The following TRERF1 variants were observed in gnomAD, a reference collection of about 807,000 sequenced individuals.
The protein encoded by TRERF1 is transcriptional-regulating factor 1.
TRERF1 carries 27 observed loss-of-function variants against 122.9 expected under a neutral mutation model. That is an observed-to-expected ratio of 0.22 (90% CI 0.16 to 0.30). The LOEUF (loss-of-function observed/expected upper bound fraction) is 0.30, where lower values mean the gene tolerates loss of function less well. Among genes scored for constraint, TRERF1 ranks in the 10% least tolerant of loss-of-function variants. The probability of loss-of-function intolerance (pLI) is 1.00; values close to 1 mark genes in which losing one functional copy is unlikely to be tolerated. For synonymous variants in TRERF1, 636 were observed against 641.7 expected, an observed-to-expected ratio of 0.99 and a Z score of 0.13; for missense variants, 1,248 against 1,560.3, an observed-to-expected ratio of 0.80 and a Z score of 3.37.
In TRERF1 at chr6:42,269,223, G is replaced by A; in HGVS notation, c.368C>T (p.Thr123Ile). The A allele has an allele frequency of 3.1e-6, 5 of 1,614,222 alleles. No individual in the cohort carries two copies. Among genetic ancestry groups the A allele is most frequent in the Non-Finnish European group, 4.2e-6 (5 of 1,180,030 alleles). Reference sequence around the variant, plus strand: ...CCGGATCTCGCTGGCCTGGGAGTAGGTGTATTGGTAGCCATCAGTGGGCTC... The same window carrying A: ...CCGGATCTCGCTGGCCTGGGAGTAGATGTATTGGTAGCCATCAGTGGGCTC... Residue 123 changes from threonine to isoleucine, a missense_variant, in exon 5 of 18, where the codon ACC becomes ATC. Coordinates refer to ENST00000372922, the Ensembl canonical transcript of TRERF1. The surrounding 1 kb of genome is among the most constrained non-coding windows in gnomAD (Gnocchi z 4.9).
In TRERF1 at chr6:42,395,408, T is replaced by C. The variant is rs75021191; in HGVS notation, c.-453-32329A>G. Among the ~76,000 whole-genome samples, 341 of 152,236 alleles carry C rather than the reference T, an allele frequency of 2.2e-3. 2 individuals carry two copies. Among genetic ancestry groups the C allele is most frequent in the African/African-American group, 7.8e-3 (325 of 41,546 alleles). ...CTTGCAGTATTCAGTTCTCAGGAAATGTCTGACAACAGGAGGGGGACAGAG... is the reference window on the plus strand; with the variant it reads ...CTTGCAGTATTCAGTTCTCAGGAAACGTCTGACAACAGGAGGGGGACAGAG... On this transcript the variant is annotated intron_variant, in intron 2 of 17. Coordinates refer to ENST00000372922, the Ensembl canonical transcript of TRERF1.
intron 2 of TRERF1, among the ~76,000 whole-genome samples, chr6:42,400,795 A>G (rs1386551569): frequency 6.6e-6 from 1 of 152,140 alleles, no homozygotes; most frequent in African/African-American, 2.4e-5. Flanking sequence ...CAAAGTCCCA[A>G]TGTCAAATAG....
At chr6:42,293,672 G>A (rs1184805161) in intron 4 of TRERF1, among the ~76,000 whole-genome samples, 2 of 151,074 alleles carry the variant, frequency 1.3e-5, no homozygotes, top group African/African-American at 4.9e-5. Context: ...CCCTCTTCAC[G>A]GGACAGTCAC....
intron 3 of TRERF1, among the ~76,000 whole-genome samples, chr6:42,333,229 A>C (rs1042861099): frequency 6.6e-6 from 1 of 152,190 alleles, no homozygotes; most frequent in Admixed American, 6.5e-5. Context: ...AATGTATCTC[A>C]ATTTTCAGAA....
At chr6:42,287,917 T>A (rs1441701354) in intron 4 of TRERF1, among the ~76,000 whole-genome samples, 1 of 152,056 alleles carries the variant, frequency 6.6e-6, no homozygotes, top group African/African-American at 2.4e-5. Flanking sequence ...CTGGTCTCAT[T>A]CACCCTTCCA....
At chr6:42,374,532 C>G (rs1044455162) in intron 2 of TRERF1, among the ~76,000 whole-genome samples, 1 of 152,194 alleles carries the variant, frequency 6.6e-6, no homozygotes, top group Non-Finnish European at 1.5e-5. Context: ...GCCCACACAT[C>G]TGTAAATAGT....
chr6:42,280,070 C>G (rs757970642), intron 4 of TRERF1, among the ~76,000 whole-genome samples: 7 of 152,072 alleles, frequency 4.6e-5, no homozygotes, highest in Non-Finnish European at 7.4e-5. Flanking sequence ...CAGGGTATCC[C>G]AGGTTATGAC....
intron 2 of TRERF1, among the ~76,000 whole-genome samples, chr6:42,370,484 T>A (rs1773571929): frequency 6.6e-6 from 1 of 152,196 alleles, no homozygotes; most frequent in African/African-American, 2.4e-5. Context: ...CTTGGGAGGC[T>A]AAGGCAAGGG....
intron 3 of TRERF1, among the ~76,000 whole-genome samples, chr6:42,308,841 C>T (rs919548623): frequency 6.6e-6 from 1 of 152,044 alleles, no homozygotes; most frequent in African/African-American, 2.4e-5. Context: ...GGGTACTGGG[C>T]TTAATTCCTG....
At chr6:42,267,398 A>T (rs1779401245) in intron 5 of TRERF1, among the ~76,000 whole-genome samples, 1 of 152,168 alleles carries the variant, frequency 6.6e-6, no homozygotes, top group South Asian at 2.1e-4. Flanking sequence ...TGGGAAGGTA[A>T]GGCAGGCGCA....
intron 4 of TRERF1, among the ~76,000 whole-genome samples, chr6:42,280,382 C>T (rs1782095199): frequency 6.6e-6 from 1 of 152,192 alleles, no homozygotes; most frequent in Non-Finnish European, 1.5e-5. Flanking sequence ...TGGTGAGCCT[C>T]ACTCAGGTAC....
At chr6:42,330,380 A>G (rs750543768) in intron 3 of TRERF1, among the ~76,000 whole-genome samples, 19 of 152,360 alleles carry the variant, frequency 1.2e-4, no homozygotes, top group Middle Eastern at 3.4e-3. Flanking sequence ...CAAAATTTCA[A>G]CATGCATGCC....
exon 7 of TRERF1, chr6:42,264,731 T>C (rs1561860602): frequency 6.2e-7 from 1 of 1,614,054 alleles, no homozygotes; most frequent in Non-Finnish European, 8.5e-7. Flanking sequence ...AGGCCCTCAT[T>C]CCCCCGTGGG....
Position 42,259,571 on chromosome 6 carries a change from G to T in TRERF1, c.2037C>A (p.Gly679=), listed in dbSNP as rs373434199. 3 of 1,613,676 alleles carry T rather than the reference G, an allele frequency of 1.9e-6. No homozygotes were observed. The highest frequency in any genetic ancestry group is 2.5e-6 in the Non-Finnish European group (3 of 1,179,894). The change falls in exon 9 of 18, where the codon GGC becomes GGA. Residue 679 remains glycine (G), a synonymous_variant. Transcript: ENST00000372922. This position sits in a 1 kb window ranked among gnomAD's most constrained non-coding sequence, Gnocchi z 4.9. ...GCAGCTGGCTCTGGTACAGGGTGGC[G>T]CCCGAGTAGGAGGCAGCGGGGTTCG...
chr6:42,380,595 C>A (rs534788614), intron 2 of TRERF1, among the ~76,000 whole-genome samples: 1 of 152,208 alleles, frequency 6.6e-6, no homozygotes, highest in African/African-American at 2.4e-5. Context: ...ATGTCTCACT[C>A]TCTGACTTGA....
At chr6:42,344,389 T>A (rs181128097) in intron 3 of TRERF1, among the ~76,000 whole-genome samples, 20 of 152,152 alleles carry the variant, frequency 1.3e-4, no homozygotes, top group Admixed American at 1.3e-3. Flanking sequence ...TGTACAAAAA[T>A]CCTATTATTT....
intron 2 of TRERF1, among the ~76,000 whole-genome samples, chr6:42,384,969 T>C (rs1049930235): frequency 6.6e-6 from 1 of 151,968 alleles, no homozygotes; most frequent in Non-Finnish European, 1.5e-5. Context: ...CATGCTCAAC[T>C]AGTTTTTTCT....
chr6:42,344,110 A>G (rs1330531825), intron 3 of TRERF1, among the ~76,000 whole-genome samples: 1 of 152,198 alleles, frequency 6.6e-6, no homozygotes, highest in Non-Finnish European at 1.5e-5. Context: ...TCACCTGGAG[A>G]AAGGCAGGTG....
chr6:42,347,939 T>C (rs887396806), intron 3 of TRERF1, among the ~76,000 whole-genome samples: 8 of 152,256 alleles, frequency 5.3e-5, no homozygotes, highest in Non-Finnish European at 1.2e-4. Flanking sequence ...CAGGTATCTG[T>C]GATTTTTCTC....
Sources: gnomAD v4.1 joint callset for allele counts (sites outside exome capture counted in the v4.1 genomes callset) on GRCh38, gnomAD v4.1.1 for gene constraint, Gnocchi (gnomAD v3.1) non-coding constraint, MANE v1.5 for transcripts, NCBI Gene and HGNC (gene_info 2026-07-23, HGNC 2026-07-21) for gene names.